Variants in PLEKHA6 observed in about 807,000 individuals in gnomAD.
PLEKHA6 encodes pleckstrin homology domain-containing family A member 6.
A neutral mutation model predicts 116.7 loss-of-function variants in PLEKHA6; 60 were observed. That is an observed-to-expected ratio of 0.51 (90% confidence interval 0.42 to 0.64). The LOEUF is 0.64. PLEKHA6 is among the 30% of genes least tolerant of loss of function. The pLI is 0.00. For missense variants in PLEKHA6, 1,338 were observed against 1,422.7 expected, an observed-to-expected ratio of 0.94 and a Z score of 0.96; for synonymous variants, 489 against 556.1, an observed-to-expected ratio of 0.88 and a Z score of 1.70.
Position 204,353,202 on chromosome 1 carries a change from G to A in PLEKHA6, c.-95+6492C>T, listed in dbSNP as rs149445481. ...CCAACCATTTTGTGACTGGCTCTGC[G>A]TGAAACATCACAGATACAAATAAGA... On this transcript the variant is annotated intron_variant, in intron 1 of 22. Transcript: ENST00000272203. 7.3e-3 allele frequency among the ~76,000 whole-genome samples: 1,109 copies of A among 152,244 alleles called. 8 individuals carry two copies. The highest frequency in any genetic ancestry group is 0.037 in the Middle Eastern group (11 of 294).
chr1:204,269,017 CT>C (rs1189936082), intron 3 of PLEKHA6, among the ~76,000 whole-genome samples: 1 of 152,122 alleles, frequency 6.6e-6, no homozygotes, highest in Non-Finnish European at 1.5e-5. Context: ...TTTACACAGC[CT>C]TGATGTCCCC....
chr1:204,367,492 C>T (rs1673684969), intron 3 of PLEKHA6, among the ~76,000 whole-genome samples: 2 of 152,168 alleles, frequency 1.3e-5, no homozygotes, highest in South Asian at 2.1e-4. Flanking sequence ...CTAGAACAGC[C>T]TCGTTCCTCT....
chr1:204,246,385 A>G (rs1198556712), intron 13 of PLEKHA6, among the ~76,000 whole-genome samples: 3 of 152,170 alleles, frequency 2.0e-5, no homozygotes, highest in South Asian at 4.1e-4. Context: ...ATATGGGTCT[A>G]TTTGGACCCG....
chr1:204,275,265 T>G (rs1558121108), intron 1 of PLEKHA6, among the ~76,000 whole-genome samples: 1 of 152,198 alleles, frequency 6.6e-6, no homozygotes, highest in Non-Finnish European at 1.5e-5. Flanking sequence ...CTCCTCCTCC[T>G]TCTCCTGCTT....
intron 3 of PLEKHA6, among the ~76,000 whole-genome samples, chr1:204,273,385 C>T (rs1434944921): frequency 1.3e-5 from 2 of 152,180 alleles, no homozygotes; most frequent in Non-Finnish European, 2.9e-5. Flanking sequence ...ATCATCCAAC[C>T]CCGACTGCTA....
intron 9 of PLEKHA6, chr1:204,256,934 C>A (rs756811848): frequency 5.1e-6 from 3 of 591,804 alleles, no homozygotes. Flanking sequence ...GGCTGGGACA[C>A]GGAGTTCCCC....
At chr1:204,345,432 C>T (rs945684833) in intron 1 of PLEKHA6, among the ~76,000 whole-genome samples, 3 of 152,100 alleles carry the variant, frequency 2.0e-5, no homozygotes, top group African/African-American at 7.2e-5. Flanking sequence ...AGCCCCCTGG[C>T]CCCACTCCCT....
At chr1:204,375,040 T>C (rs1673842572) in intron 1 of PLEKHA6, among the ~76,000 whole-genome samples, 2 of 152,074 alleles carry the variant, frequency 1.3e-5, no homozygotes, top group East Asian at 1.9e-4. Context: ...CCTTGCCTTC[T>C]GGGGTGGCAT....
intron 17 of PLEKHA6, among the ~76,000 whole-genome samples, chr1:204,239,024 T>C (rs921387706): frequency 6.6e-5 from 10 of 152,148 alleles, no homozygotes; most frequent in African/African-American, 1.7e-4. Context: ...ACAAAGAAAT[T>C]TGGGGAAGAG....
chr1:204,254,668 T>C (rs1300749417), intron 9 of PLEKHA6, among the ~76,000 whole-genome samples: 2 of 152,172 alleles, frequency 1.3e-5, no homozygotes, highest in African/African-American at 4.8e-5. Flanking sequence ...GCATCCATCT[T>C]ACAGGGTTAT....
chr1:204,259,197 C>A lies in PLEKHA6; in HGVS notation c.1007+61G>T. 1 of 1,554,760 alleles carries A rather than the reference C, an allele frequency of 6.4e-7. No individual in the cohort carries two copies. The highest frequency in any genetic ancestry group is 8.7e-7 in the Non-Finnish European group (1 of 1,148,926). On this transcript the variant is annotated intron_variant, in intron 8 of 22. Transcript: ENST00000272203. This position sits in a 1 kb window ranked among gnomAD's most constrained non-coding sequence, Gnocchi z 4.6. The stretch of plus-strand genomic sequence containing the variant: ...GGGGATGCCTCGTGGGCTATGACCC[C>A]ACTCGCACGCTCTAGCCATAATACC...
rs1300833284 is a variant in PLEKHA6 at position 204,259,661 on chromosome 1, C to G, written c.604G>C (p.Glu202Gln). Residue 202 changes from glutamate (E) to glutamine (Q), a missense_variant, in exon 8 of 23, where the codon GAG becomes CAG. Glu to Gln is a conservative substitution (Grantham distance 29). Around this residue, in one of 3 missense-constraint regions of PLEKHA6, gnomAD observed 1,136 missense variants for 1,163.6 expected, o/e 0.98. Coordinates refer to ENST00000272203, the MANE Select transcript of PLEKHA6 (RefSeq NM_014935.5). The surrounding 1 kb of genome is among the most constrained non-coding windows in gnomAD (Gnocchi z 4.6). ...TCCCCTCGAGTCTTGGCCTCTGGCT[C>G]AGGCTTAGGGAGGCTGTTGTGGGGT... ...QPPHNSLPKP[E>Q]PEAKTRGEGD... The G allele has an allele frequency of 6.2e-7, 1 of 1,614,084 alleles. No homozygotes were observed. Among genetic ancestry groups the G allele is most frequent in the African/African-American group, 1.3e-5 (1 of 74,942 alleles).
At chr1:204,245,943 C>T (rs530039309) in intron 13 of PLEKHA6, among the ~76,000 whole-genome samples, 4 of 152,234 alleles carry the variant, frequency 2.6e-5, no homozygotes, top group Non-Finnish European at 5.9e-5. Flanking sequence ...GAGATGGCAC[C>T]CCAGAATTGC....
chr1:204,303,315 C>G (rs767404726), intron 1 of PLEKHA6, among the ~76,000 whole-genome samples: 8 of 152,172 alleles, frequency 5.3e-5, no homozygotes, highest in Non-Finnish European at 1.2e-4. Context: ...AACAACCTTC[C>G]TAATTTAGGA....
intron 1 of PLEKHA6, among the ~76,000 whole-genome samples, chr1:204,355,975 A>G (rs540885414): frequency 2.3e-3 from 76 of 33,322 alleles, no homozygotes; most frequent in African/African-American, 0.011. Context: ...TGCTCATGGC[A>G]CACACACACA....
chr1:204,279,921 C>T (rs1668421350), intron 1 of PLEKHA6, among the ~76,000 whole-genome samples: 1 of 152,156 alleles, frequency 6.6e-6, no homozygotes, highest in Admixed American at 6.5e-5. Flanking sequence ...AAGATATAGA[C>T]CATTTTTTGC....
intron 1 of PLEKHA6, among the ~76,000 whole-genome samples, chr1:204,336,965 T>G (rs1415543622): frequency 6.6e-6 from 1 of 152,192 alleles, no homozygotes; most frequent in East Asian, 1.9e-4. Flanking sequence ...CTGCTGCTCC[T>G]CCAAAGGACT....
chr1:204,359,838 G>C lies in PLEKHA6; in HGVS notation c.-239C>G, dbSNP rs892638695. ...CAGAGCGGGGCTCCGGATCTAATCTGATCTAATCAGTCATCTCTCCGGCTG... is the reference window on the plus strand; with the variant it reads ...CAGAGCGGGGCTCCGGATCTAATCTCATCTAATCAGTCATCTCTCCGGCTG... On this transcript the variant is annotated 5_prime_UTR_variant, in exon 1 of 23. It adds an upstream start codon to the 5' untranslated region. Coordinates refer to ENST00000272203, the MANE Select transcript of PLEKHA6 (RefSeq NM_014935.5). The C allele has an allele frequency of 1.3e-5, 3 of 225,574 alleles. No individual in the cohort carries two copies. Among genetic ancestry groups the C allele is most frequent in the African/African-American group, 2.3e-5 (1 of 42,958 alleles). The allele number at this position is 225,574 out of a possible 1,614,324, so 14.0% of individuals were successfully genotyped here.
rs1481163207 is a variant in PLEKHA6 at position 204,275,000 on chromosome 1, G to A, written c.-94-191C>T. The stretch of plus-strand genomic sequence containing the variant: ...GAGGGTGGGGGCGGGGTGGGGGAAG[G>A]AAGAGATGAAGCCTGGTCACCTCCC... On this transcript the variant is annotated intron_variant, in intron 1 of 22. Transcript: ENST00000272203. The A allele has an allele frequency of 6.3e-6, 5 of 793,464 alleles. 1 individual carries two copies. The highest frequency in any genetic ancestry group is 2.5e-4 in the East Asian group (2 of 8,088). The allele number at this position is 793,464 out of a possible 1,614,324, so 49.2% of individuals were successfully genotyped here.
Sources: gnomAD v4.1 joint callset for allele counts (sites outside exome capture counted in the v4.1 genomes callset) on GRCh38, gnomAD v4.1.1 for gene constraint, gnomAD v4.1.1 regional missense constraint, Gnocchi (gnomAD v3.1) non-coding constraint, MANE v1.5 for transcripts, NCBI Gene and HGNC (gene_info 2026-07-23, HGNC 2026-07-21) for gene names.